The following COL4A1 variants were observed in gnomAD, a reference collection of about 807,000 sequenced individuals.
COL4A1 encodes collagen alpha-1(IV) chain.
COL4A1 carries 40 observed loss-of-function variants against 216.6 expected under a neutral mutation model. The observed-to-expected ratio is 0.18, with a 90% CI of 0.14 to 0.24. The LOEUF is 0.24. Ranked by LOEUF, COL4A1 falls within the 10% of genes least tolerant of loss-of-function variation. The probability of loss-of-function intolerance (pLI) is 1.00; values close to 1 mark genes in which losing one functional copy is unlikely to be tolerated. For missense variants in COL4A1, 1,628 were observed against 2,196.8 expected, an observed-to-expected ratio of 0.74 and a Z score of 5.18; for synonymous variants, 839 against 810.7, an observed-to-expected ratio of 1.03 and a Z score of -0.59.
chr13:110,162,100 C>A (rs181332236), intron 48 of COL4A1, 130 bp downstream of exon 48: 394 of 894,742 alleles, frequency 4.4e-4, no homozygotes, highest in Middle Eastern at 5.3e-4. Context: ...TCACTGGCTA[C>A]CGCCCTCATG....
chr13:110,269,897 G>A (rs1350022931), intron 1 of COL4A1, among the ~76,000 whole-genome samples: 2 of 152,094 alleles, frequency 1.3e-5, no homozygotes, highest in Non-Finnish European at 2.9e-5. Flanking sequence ...CACATACAGG[G>A]TGAAATGTCA....
chr13:110,273,842 G>T (rs1883338550), intron 1 of COL4A1, among the ~76,000 whole-genome samples: 1 of 152,160 alleles, frequency 6.6e-6, no homozygotes, highest in African/African-American at 2.4e-5. Context: ...CAGGGTTGCA[G>T]ACGCGCATCT....
intron 1 of COL4A1, among the ~76,000 whole-genome samples, chr13:110,280,756 T>C (rs576159477): frequency 2.0e-5 from 3 of 152,376 alleles, no homozygotes; most frequent in African/African-American, 7.2e-5. Context: ...GTAATCTTGC[T>C]AGTAATACAT....
chr13:110,289,995 G>A (rs2139310418), intron 1 of COL4A1, among the ~76,000 whole-genome samples: 1 of 152,320 alleles, frequency 6.6e-6, no homozygotes, highest in Non-Finnish European at 1.5e-5. Flanking sequence ...CTTCTGAAAA[G>A]GGGCGTGAAG....
At chr13:110,178,363 C>G in intron 31 of COL4A1, 132 bp from the exon 32 acceptor site, 1 of 1,085,524 alleles carries the variant, frequency 9.2e-7, no homozygotes, top group Admixed American at 2.0e-5. Context: ...TTGAATGGAT[C>G]ATCTGTTAGG....
chr13:110,236,685 G>A (rs893089887), intron 2 of COL4A1, among the ~76,000 whole-genome samples: 7 of 152,188 alleles, frequency 4.6e-5, no homozygotes, highest in African/African-American at 9.7e-5. Flanking sequence ...CTTGTGGAGC[G>A]GACTCTACAC....
In COL4A1 at chr13:110,178,201, A is replaced by T; in HGVS notation, c.2489T>A (p.Phe830Tyr). The T allele has an allele frequency of 6.2e-7, 1 of 1,614,118 alleles. No homozygotes were observed. The highest frequency in any genetic ancestry group is 1.3e-5 in the African/African-American group (1 of 75,056). ...GPPGIKGEKG[F>Y]PGFPGLDMPG... ...CATGTCCAGTCCAGGGAATCCGGGG[A>T]AACCCTTCTCTCCTTTTATTCCAGG... Residue 830 changes from phenylalanine (F) to tyrosine (Y), a missense_variant, in exon 32 of 52, where the codon TTC becomes TAC. This residue lies in a region of COL4A1 where 701 missense variants were observed against 892.5 expected (regional missense o/e 0.79). Transcript: ENST00000375820.
At chr13:110,306,826 C>A in intron 1 of COL4A1, 118 bp downstream of exon 1, 4 of 923,360 alleles carry the variant, frequency 4.3e-6, no homozygotes, top group Non-Finnish European at 5.9e-6. Context: ...ATGCACCTGG[C>A]CGTGCCACGC....
At chr13:110,229,000 T>C (rs1880882562) in intron 2 of COL4A1, among the ~76,000 whole-genome samples, 1 of 152,166 alleles carries the variant, frequency 6.6e-6, no homozygotes, top group African/African-American at 2.4e-5. Context: ...CAGATGGCAT[T>C]GGGGATTCCA....
At chr13:110,161,494 T>C (rs1877085516) in intron 48 of COL4A1, 125 bp from the exon 49 acceptor site, 2 of 1,160,940 alleles carry the variant, frequency 1.7e-6, no homozygotes, top group Middle Eastern at 1.9e-4. Context: ...GAAATGGAAA[T>C]GTATAAAGGA....
chr13:110,200,432 C>T, intron 20 of COL4A1, among the ~76,000 whole-genome samples: 1 of 152,152 alleles, frequency 6.6e-6, no homozygotes, highest in East Asian at 1.9e-4. Flanking sequence ...AGTCTGATCT[C>T]CAGCTGGGAA....
At chr13:110,152,074 A>G (rs921665695) in intron 51 of COL4A1, among the ~76,000 whole-genome samples, 22 of 152,276 alleles carry the variant, frequency 1.4e-4, no homozygotes, top group African/African-American at 4.8e-4. Flanking sequence ...CTTTAATTAC[A>G]TTTTAGTACA....
chr13:110,153,790 T>A (rs948373081), intron 50 of COL4A1, among the ~76,000 whole-genome samples: 1 of 152,142 alleles, frequency 6.6e-6, no homozygotes, highest in Non-Finnish European at 1.5e-5. Context: ...ACGAACATTT[T>A]AAAAATTGCT....
rs758186758 is a variant in COL4A1, at chr13:110,161,348, C to T, written c.4484G>A (p.Arg1495His). The T allele has an allele frequency of 1.1e-5, 18 of 1,613,208 alleles. No individual in the cohort carries two copies. The highest frequency in any genetic ancestry group is 1.7e-4 in the Middle Eastern group (1 of 6,060). Residue 1495 changes from arginine to histidine, a missense_variant, in exon 49 of 52, where the codon CGC becomes CAC. Physicochemically the swap from Arg to His is conservative, Grantham distance 29 (BLOSUM62 0). Around this residue, in one of 8 missense-constraint regions of COL4A1, gnomAD observed 254 missense variants for 300.1 expected, o/e 0.85. Transcript: ENST00000375820. ...CAGGAAGGGCATTGTGCTGAACTTGCGCAGGCAGCTGCCGGCCGTGCCTAG... is the reference window on the plus strand; with the variant it reads ...CAGGAAGGGCATTGTGCTGAACTTGTGCAGGCAGCTGCCGGCCGTGCCTAG... ...QDLGTAGSCL[R>H]KFSTMPFLFC... is the part of the protein sequence containing the mutation.
At position 110,181,311 on chromosome 13, in the gene COL4A1, G is replaced by A. The variant is rs766073815; in HGVS notation, c.2174C>T (p.Pro725Leu). The change falls in exon 29 of 52, where the codon CCA becomes CTA. Residue 725 changes from proline (P) to leucine (L), a missense_variant. By Grantham distance (98) the Pro-to-Leu change is moderately conservative (BLOSUM62 -3). Coordinates refer to ENST00000375820, the MANE Select transcript of COL4A1 (RefSeq NM_001845.6). ...RPGFNGLPGNPGVQGQKGEPG... is the reference protein window; with the variant it reads ...RPGFNGLPGNLGVQGQKGEPG... ...ACTCACCTTCTGGCCCTGCACACCTGGGTTCCCAGGTAAGCCATTAAATCC... is the reference window on the plus strand; with the variant it reads ...ACTCACCTTCTGGCCCTGCACACCTAGGTTCCCAGGTAAGCCATTAAATCC... 7 of 1,613,834 alleles carry A rather than the reference G, an allele frequency of 4.3e-6. No individual in the cohort carries two copies. The highest frequency in any genetic ancestry group is 5.9e-6 in the Non-Finnish European group (7 of 1,179,904).
At chr13:110,218,172 T>C (rs1880183512) in intron 2 of COL4A1, among the ~76,000 whole-genome samples, 1 of 150,366 alleles carries the variant, frequency 6.7e-6, no homozygotes, top group Non-Finnish European at 1.5e-5. Context: ...TAACACAAAA[T>C]ATACCTAGAA....
At chr13:110,181,595 C>T (rs1360937884) in intron 28 of COL4A1, among the ~76,000 whole-genome samples, 2 of 152,134 alleles carry the variant, frequency 1.3e-5, no homozygotes, top group Admixed American at 1.3e-4. Context: ...CTTCCAGCAC[C>T]TCTGCCCTCC....
rs1439813031 is a variant in COL4A1, at chr13:110,188,628, C to A, written c.1537-1299G>T. On this transcript the variant is annotated intron_variant, in intron 24 of 51. Coordinates refer to ENST00000375820, the MANE Select transcript of COL4A1 (RefSeq NM_001845.6). ...TGCATTTCCAGCTGCAAAACTTGTA[C>A]CTTATGCCTGTGCCTCTGGAGTGCT... is the stretch of plus-strand genomic sequence containing the variant. Among the ~76,000 whole-genome samples, 5 of 152,188 alleles carry A rather than the reference C, an allele frequency of 3.3e-5. No individual in the cohort carries two copies. In the East Asian group the frequency reaches 7.7e-4, roughly 23 times the overall value.
chr13:110,304,085 T>C (rs569074358), intron 1 of COL4A1, among the ~76,000 whole-genome samples: 1 of 152,332 alleles, frequency 6.6e-6, no homozygotes, highest in African/African-American at 2.4e-5. Context: ...TCAGAGTACA[T>C]GAACATTGTG....
Sources: gnomAD v4.1 joint callset for allele counts (sites outside exome capture counted in the v4.1 genomes callset) on GRCh38, gnomAD v4.1.1 for gene constraint, gnomAD v4.1.1 regional missense constraint, MANE v1.5 for transcripts, NCBI Gene and HGNC (gene_info 2026-07-23, HGNC 2026-07-21) for gene names.